TSPAN9: variants seen among roughly 807,000 people sequenced by gnomAD.
TSPAN9 encodes tetraspanin 9, also known as tetraspanin-9.
In TSPAN9, 16 loss-of-function variants were observed where a neutral mutation model predicts 31.0. The ratio of observed to expected loss-of-function variants is 0.52; its 90% confidence interval spans 0.35 to 0.78. The LOEUF is 0.78. Among genes scored for constraint, TSPAN9 ranks in the 30% least tolerant of loss-of-function variants. TSPAN9 has a pLI of 0.01. For missense variants in TSPAN9, 272 were observed against 312.5 expected, an observed-to-expected ratio of 0.87 and a Z score of 0.98; for synonymous variants, 145 against 121.6, an observed-to-expected ratio of 1.19 and a Z score of -1.27.
In TSPAN9 at chr12:3,286,114, T is replaced by G. The variant is rs1591727661; in HGVS notation, c.*2998T>G. ...CAGTCTGGGTGGATGGAAGTGGCTGTCCCCTCCTCTCCAGCCCCTGCCCAC... is the reference window on the plus strand; with the variant it reads ...CAGTCTGGGTGGATGGAAGTGGCTGGCCCCTCCTCTCCAGCCCCTGCCCAC... On this transcript the variant is annotated 3_prime_UTR_variant, in exon 9 of 9. Transcript: ENST00000011898. This position sits in a 1 kb window ranked among gnomAD's most constrained non-coding sequence, Gnocchi z 4.1. 1 of 152,806 alleles carries G rather than the reference T, an allele frequency of 6.5e-6. No individual in the cohort carries two copies. The highest frequency in any genetic ancestry group is 1.5e-5 in the Non-Finnish European group (1 of 68,100). 9.5% of individuals were successfully genotyped at this position (152,806 alleles called of 1,614,324 possible). A position where few individuals can be genotyped will look rare whatever the true frequency, so the allele number is the denominator to read the frequency against.
intron 2 of TSPAN9, among the ~76,000 whole-genome samples, chr12:3,122,190 C>G (rs189848062): frequency 2.6e-5 from 4 of 151,850 alleles, no homozygotes; most frequent in African/African-American, 9.7e-5. Context: ...AAAAATTAGC[C>G]GGGTGTGGTG....
At chr12:3,206,238 C>T (rs1313897274) in intron 3 of TSPAN9, 1 of 443,684 alleles carries the variant, frequency 2.3e-6, no homozygotes, top group Admixed American at 2.4e-5. Context: ...GGTCCATTCA[C>T]TCATGCCACA....
chr12:3,251,945 T>C (rs1483572711), intron 3 of TSPAN9, among the ~76,000 whole-genome samples: 1 of 152,198 alleles, frequency 6.6e-6, no homozygotes, highest in Non-Finnish European at 1.5e-5. Context: ...AGGGGGCCAC[T>C]GGGCTTCCAC....
chr12:3,229,648 G>A (rs1412454391), intron 3 of TSPAN9, among the ~76,000 whole-genome samples: 1 of 152,230 alleles, frequency 6.6e-6, no homozygotes, highest in Non-Finnish European at 1.5e-5. Context: ...GCTGGCTGGG[G>A]GTAGAGGATG....
intron 2 of TSPAN9, among the ~76,000 whole-genome samples, chr12:3,118,961 G>T (rs1391107490): frequency 6.6e-6 from 1 of 152,176 alleles, no homozygotes; most frequent in Non-Finnish European, 1.5e-5. Flanking sequence ...GACCGAGATC[G>T]CCCTGTCCAC....
chr12:3,156,742 A>G (rs2098342493), intron 2 of TSPAN9, among the ~76,000 whole-genome samples: 1 of 152,194 alleles, frequency 6.6e-6, no homozygotes, highest in South Asian at 2.1e-4. Context: ...TGCTGACCTC[A>G]AGTGATCTGC....
intron 2 of TSPAN9, among the ~76,000 whole-genome samples, chr12:3,127,919 C>T (rs1256090870): frequency 1.3e-5 from 2 of 152,148 alleles, no homozygotes; most frequent in Non-Finnish European, 2.9e-5. Flanking sequence ...GTGGCATGCC[C>T]ACCTTGTGGT....
chr12:3,163,046 C>G (rs937703152), intron 2 of TSPAN9, among the ~76,000 whole-genome samples: 3 of 152,178 alleles, frequency 2.0e-5, no homozygotes, highest in African/African-American at 7.2e-5. Flanking sequence ...AAGTGTATTC[C>G]CATCCCCTTC....
intron 2 of TSPAN9, among the ~76,000 whole-genome samples, chr12:3,109,291 TGTGTGTGTGAGAGAGA>T (rs1327702393): frequency 5.8e-5 from 7 of 120,784 alleles, no homozygotes; most frequent in Admixed American, 2.3e-4. Context: ...TGTGTGTGTG[TGTGTGTGTGAGAGAGA>T]GTGTGTGTGT....
chr12:3,193,598 C>A, intron 2 of TSPAN9, among the ~76,000 whole-genome samples: 1 of 152,166 alleles, frequency 6.6e-6, no homozygotes, highest in Non-Finnish European at 1.5e-5. Context: ...AGCCGGGGGG[C>A]AGCTTTGCTC....
chr12:3,124,183 G>GA (rs776516770), intron 2 of TSPAN9, among the ~76,000 whole-genome samples: 2 of 152,328 alleles, frequency 1.3e-5, no homozygotes, highest in South Asian at 4.1e-4. Flanking sequence ...TGTCCATGTA[G>GA]AAAATACTGA....
intron 3 of TSPAN9, among the ~76,000 whole-genome samples, chr12:3,203,992 G>A (rs1298422318): frequency 2.6e-5 from 4 of 152,194 alleles, no homozygotes. Context: ...GGGTGTTGAT[G>A]AGTCAGGGTC....
intron 3 of TSPAN9, among the ~76,000 whole-genome samples, chr12:3,269,107 TCC>T (rs1244606638): frequency 2.3e-5 from 2 of 87,976 alleles, no homozygotes; most frequent in South Asian, 7.2e-4. Context: ...CAGCCTGCCC[TCC>T]CTGTGTTCCT....
intron 2 of TSPAN9, among the ~76,000 whole-genome samples, chr12:3,167,437 T>C (rs954449251): frequency 6.6e-6 from 1 of 152,170 alleles, no homozygotes; most frequent in Non-Finnish European, 1.5e-5. Flanking sequence ...TTGATCAGCT[T>C]AGGAAAAAAC....
chr12:3,140,850 G>A (rs1271137346), intron 2 of TSPAN9, among the ~76,000 whole-genome samples: 1 of 152,024 alleles, frequency 6.6e-6, no homozygotes, highest in Non-Finnish European at 1.5e-5. Flanking sequence ...AGGTTTGGAG[G>A]TGACAGTGGG....
rs773297242 is a variant in TSPAN9, at chr12:3,278,521, A to C, written c.164A>C (p.Asn55Thr). 2.2e-5 allele frequency: 36 copies of C among 1,613,984 alleles called. No homozygotes were observed. The highest frequency in any genetic ancestry group is 3.0e-5 in the Non-Finnish European group (35 of 1,180,016). The change falls in exon 4 of 9, where the codon AAC becomes ACC. Residue 55 changes from asparagine to threonine, a missense_variant. Asn to Thr is a moderately conservative substitution (Grantham distance 65). Coordinates refer to ENST00000011898, the MANE Select transcript of TSPAN9 (RefSeq NM_006675.5). Reference sequence around the variant, plus strand: ...AGCTTCCCTTCGTTGTCTGCAGCCAACCTGGTCATTGCCATAGGCACCATT... The same window carrying C: ...AGCTTCCCTTCGTTGTCTGCAGCCACCCTGGTCATTGCCATAGGCACCATT... Reference protein sequence around the residue: ...SPSFPSLSAANLVIAIGTIVM... With the variant: ...SPSFPSLSAATLVIAIGTIVM...
At chr12:3,167,002 G>C (rs1216222246) in intron 2 of TSPAN9, among the ~76,000 whole-genome samples, 2 of 152,054 alleles carry the variant, frequency 1.3e-5, no homozygotes, top group Non-Finnish European at 2.9e-5. Flanking sequence ...TCACCATGTT[G>C]GCCAGGCTGG....
intron 3 of TSPAN9, among the ~76,000 whole-genome samples, chr12:3,219,925 C>T (rs903243306): frequency 2.0e-5 from 3 of 151,156 alleles, no homozygotes; most frequent in South Asian, 2.1e-4. Flanking sequence ...AAGGCTGCGG[C>T]GGGCGGATCA....
At chr12:3,089,516 C>G (rs112743849) in intron 2 of TSPAN9, among the ~76,000 whole-genome samples, 2 of 151,462 alleles carry the variant, frequency 1.3e-5, no homozygotes, top group East Asian at 4.0e-4. Flanking sequence ...AGGGTGGTCT[C>G]GATCTCCTGA....
Sources: gnomAD v4.1 joint callset for allele counts (sites outside exome capture counted in the v4.1 genomes callset) on GRCh38, gnomAD v4.1.1 for gene constraint, Gnocchi (gnomAD v3.1) non-coding constraint, MANE v1.5 for transcripts, NCBI Gene and HGNC (gene_info 2026-07-23, HGNC 2026-07-21) for gene names.